The following ZNF827 variants were observed in gnomAD, a reference collection of about 807,000 sequenced individuals.
The protein encoded by ZNF827 is zinc finger protein 827.
ZNF827 carries 13 observed loss-of-function variants against 102.4 expected under a neutral mutation model. The ratio of observed to expected loss-of-function variants is 0.13; its 90% CI spans 0.08 to 0.20. The LOEUF is 0.20. ZNF827 is among the 10% of genes least tolerant of loss of function. The probability of loss-of-function intolerance (pLI) is 1.00; values close to 1 mark genes in which losing one functional copy is unlikely to be tolerated. For synonymous variants in ZNF827, 523 were observed against 536.2 expected, an observed-to-expected ratio of 0.98 and a Z score of 0.34; for missense variants, 1,103 against 1,344.4, an observed-to-expected ratio of 0.82 and a Z score of 2.81.
At chr4:145,871,067 A>G (rs1748642256) in intron 4 of ZNF827, among the ~76,000 whole-genome samples, 1 of 151,880 alleles carries the variant, frequency 6.6e-6, no homozygotes, top group Non-Finnish European at 1.5e-5. Flanking sequence ...TGATAAATCC[A>G]TGTCTGTAGC....
intron 1 of ZNF827, among the ~76,000 whole-genome samples, chr4:145,929,189 T>C (rs1753637042): frequency 6.6e-6 from 1 of 152,222 alleles, no homozygotes; most frequent in South Asian, 2.1e-4. Context: ...TTAAGATTCA[T>C]TGCATGTATT....
intron 1 of ZNF827, among the ~76,000 whole-genome samples, chr4:145,917,556 C>A (rs1752745532): frequency 6.6e-6 from 1 of 151,996 alleles, no homozygotes; most frequent in Non-Finnish European, 1.5e-5. Flanking sequence ...AACACTGTTG[C>A]ACTGGCAATT....
rs561377368 is a variant in ZNF827 at position 145,823,483 on chromosome 4, G to A, written c.2322C>T (p.Thr774=). The change falls in exon 8 of 15, where the codon ACC becomes ACT. Residue 774 remains threonine, a synonymous_variant. Transcript: ENST00000508784. ...TGGGCAGCAGTTCTTTTGAATTGGA[G>A]GTGAATGGTGATTGTCTAAATGTGT... ...SEDTFRQSPF[T]SNSKELLPSD... The A allele has an allele frequency of 2.5e-6, 4 of 1,613,936 alleles. No individual in the cohort carries two copies. The African/African-American group carries it at 4.0e-5, about 16-fold the overall frequency.
intron 1 of ZNF827, among the ~76,000 whole-genome samples, chr4:145,906,756 G>A (rs952281957): frequency 6.6e-6 from 1 of 152,162 alleles, no homozygotes; most frequent in Non-Finnish European, 1.5e-5. Flanking sequence ...AATAAACAAA[G>A]TATTTCTTAA....
intron 1 of ZNF827, among the ~76,000 whole-genome samples, chr4:145,913,481 C>T (rs1038061678): frequency 2.0e-5 from 3 of 147,666 alleles, no homozygotes; most frequent in African/African-American, 7.5e-5. Context: ...CTTACTAGGG[C>T]TACTTAGAGA....
intron 11 of ZNF827, among the ~76,000 whole-genome samples, chr4:145,767,636 G>A (rs1735509210): frequency 6.6e-6 from 1 of 152,208 alleles, no homozygotes; most frequent in Non-Finnish European, 1.5e-5. Flanking sequence ...TATGTTATGT[G>A]CACAGGAACA....
intron 7 of ZNF827, chr4:145,832,584 T>A (rs1390650490): frequency 1.3e-5 from 2 of 152,184 alleles, no homozygotes; most frequent in African/African-American, 4.8e-5. Context: ...ACCAATAGCC[T>A]GAAAAATGTG....
intron 5 of ZNF827, among the ~76,000 whole-genome samples, chr4:145,864,559 ACTCCAG>A (rs2126731143): frequency 6.6e-6 from 1 of 151,988 alleles, no homozygotes; most frequent in South Asian, 2.1e-4. Context: ...ACACCATTGC[ACTCCAG>A]CCTGGGTGAC....
At chr4:145,851,835 C>T (rs1338493706) in intron 5 of ZNF827, among the ~76,000 whole-genome samples, 1 of 152,128 alleles carries the variant, frequency 6.6e-6, no homozygotes, top group Non-Finnish European at 1.5e-5. Flanking sequence ...AGAAAGCTGT[C>T]CAAGATACAC....
At chr4:145,781,618 A>G (rs1442519727) in intron 8 of ZNF827, among the ~76,000 whole-genome samples, 1 of 152,212 alleles carries the variant, frequency 6.6e-6, no homozygotes, top group African/African-American at 2.4e-5. Flanking sequence ...AAAGGGGAAG[A>G]GGGCAGAAAT....
chr4:145,841,902 G>A (rs1236667376), intron 7 of ZNF827, among the ~76,000 whole-genome samples: 2 of 151,518 alleles, frequency 1.3e-5, no homozygotes, highest in African/African-American at 4.9e-5. Flanking sequence ...AAGCAGCTGA[G>A]TTTAAGTTCT....
intron 1 of ZNF827, among the ~76,000 whole-genome samples, chr4:145,917,714 A>G (rs925634517): frequency 6.8e-6 from 1 of 147,170 alleles, no homozygotes; most frequent in East Asian, 1.9e-4. Flanking sequence ...AAAAAAAAAA[A>G]AAAAAAAAAA....
At chr4:145,938,128 G>A (rs894238808) in intron 1 of ZNF827, among the ~76,000 whole-genome samples, 2 of 151,742 alleles carry the variant, frequency 1.3e-5, no homozygotes, top group African/African-American at 2.4e-5. Flanking sequence ...AAAAAGGGGG[G>A]GGGTGAGAGA....
At chr4:145,856,414 C>T (rs1437809594) in intron 5 of ZNF827, among the ~76,000 whole-genome samples, 1 of 152,144 alleles carries the variant, frequency 6.6e-6, no homozygotes, top group African/African-American at 2.4e-5. Flanking sequence ...AAAAGCTCCC[C>T]ATTCCTGCTC....
intron 4 of ZNF827, among the ~76,000 whole-genome samples, chr4:145,882,493 C>A (rs773059907): frequency 2.0e-5 from 3 of 151,634 alleles, no homozygotes; most frequent in Non-Finnish European, 4.4e-5. Flanking sequence ...CAATCATGCA[C>A]GTTAAGAAAC....
chr4:145,889,168 A>G (rs943585143), intron 3 of ZNF827, among the ~76,000 whole-genome samples: 1 of 152,268 alleles, frequency 6.6e-6, no homozygotes, highest in Non-Finnish European at 1.5e-5. Flanking sequence ...CACTAAAGAC[A>G]GATCACAAAA....
intron 1 of ZNF827, among the ~76,000 whole-genome samples, chr4:145,926,343 ATAAC>A: frequency 6.6e-6 from 1 of 152,346 alleles, no homozygotes; most frequent in South Asian, 2.1e-4. Flanking sequence ...AATTGCCTCA[ATAAC>A]TAATTTCTCA....
At chr4:145,923,380 G>C (rs1454201136) in intron 1 of ZNF827, among the ~76,000 whole-genome samples, 1 of 151,890 alleles carries the variant, frequency 6.6e-6, no homozygotes, top group Non-Finnish European at 1.5e-5. Context: ...CGAGGCAGGC[G>C]GATCACCTGA....
chr4:145,813,601 A>G (rs1742271548), intron 8 of ZNF827, among the ~76,000 whole-genome samples: 1 of 152,136 alleles, frequency 6.6e-6, no homozygotes, highest in Non-Finnish European at 1.5e-5. Context: ...TTTATTGTAC[A>G]TTTTATTTTT....
Sources: gnomAD v4.1 joint callset for allele counts (sites outside exome capture counted in the v4.1 genomes callset) on GRCh38, gnomAD v4.1.1 for gene constraint, MANE v1.5 for transcripts, NCBI Gene and HGNC (gene_info 2026-07-23, HGNC 2026-07-21) for gene names.